DCC: variants seen among roughly 807,000 people sequenced by gnomAD.
The protein encoded by DCC is netrin receptor DCC.
In DCC, 58 loss-of-function variants were observed where a neutral mutation model predicts 172.5. That is an observed-to-expected ratio of 0.34 (90% CI 0.27 to 0.42). The LOEUF is 0.42. Ranked by LOEUF, DCC falls within the 10% of genes least tolerant of loss-of-function variation. The pLI, the probability that DCC is intolerant of heterozygous loss-of-function variation, is 1.00. For synonymous variants in DCC, 709 were observed against 644.5 expected (o/e 1.10, Z -1.52); for missense variants, 1,740 against 1,791.0 (o/e 0.97, Z 0.51).
In DCC at chr18:53,386,089, C is replaced by T. The variant is rs559067617; in HGVS notation, c.2406C>T (p.Ala802=). The T allele has an allele frequency of 9.9e-6, 16 of 1,613,404 alleles. No homozygotes were observed. The Admixed American group carries it at 1.2e-4, about 12-fold the overall frequency. Residue 802 remains alanine, a synonymous_variant, in exon 16 of 29, where the codon GCC becomes GCT. Transcript: ENST00000442544. The stretch of plus-strand genomic sequence containing the variant: ...TCTCCCTAAAAGCTTTTAACAATGC[C>T]GGAGAAGGAGTTCCTCTTTATGAAA... ...YVISLKAFNN[A]GEGVPLYESA...
chr18:53,204,188 G>GAAA (rs67046082), intron 9 of DCC, among the ~76,000 whole-genome samples: 1 of 150,294 alleles, frequency 6.7e-6, no homozygotes, highest in Non-Finnish European at 1.5e-5. Context: ...AGGGAAAAAA[G>GAAA]AAAAAAAAAC....
intron 5 of DCC, among the ~76,000 whole-genome samples, chr18:53,012,355 C>A (rs1038151790): frequency 1.3e-5 from 2 of 151,884 alleles, no homozygotes; most frequent in African/African-American, 4.8e-5. Flanking sequence ...GTAATTAATG[C>A]ACAAATTGAT....
intron 5 of DCC, among the ~76,000 whole-genome samples, chr18:52,969,087 C>G (rs1424166102): frequency 1.3e-5 from 2 of 152,086 alleles, no homozygotes; most frequent in African/African-American, 4.8e-5. Flanking sequence ...TATTCTTGTT[C>G]TCTAGGGCTC....
At chr18:53,185,840 T>C (rs2055273160) in intron 9 of DCC, among the ~76,000 whole-genome samples, 1 of 152,218 alleles carries the variant, frequency 6.6e-6, no homozygotes, top group Non-Finnish European at 1.5e-5. Context: ...TTCAGTTTTG[T>C]TCAAAACAAA....
chr18:53,530,715 T>G lies in DCC; in HGVS notation c.*62T>G. 3 of 869,898 alleles carry G rather than the reference T, an allele frequency of 3.4e-6. No individual in the cohort carries two copies. The highest frequency in any genetic ancestry group is 6.0e-6 in the Non-Finnish European group (3 of 500,254). The allele number at this position is 869,898 out of a possible 1,614,324, so 53.9% of individuals were successfully genotyped here. A position where few individuals can be genotyped will look rare whatever the true frequency, so the allele number is the denominator to read the frequency against. ...AACTTTGCAGCATACCAATTACCCATAAACAGCACACCTGTGTCCAAGAAC... is the reference window on the plus strand; with the variant it reads ...AACTTTGCAGCATACCAATTACCCAGAAACAGCACACCTGTGTCCAAGAAC... On this transcript the variant is annotated 3_prime_UTR_variant, in exon 29 of 29. Coordinates refer to ENST00000442544, the MANE Select transcript of DCC (RefSeq NM_005215.4).
At chr18:52,945,425 G>C (rs2040528638) in intron 5 of DCC, among the ~76,000 whole-genome samples, 1 of 152,194 alleles carries the variant, frequency 6.6e-6, no homozygotes, top group Non-Finnish European at 1.5e-5. Context: ...ATAGTCGTTA[G>C]AGGAAATAAA....
intron 1 of DCC, among the ~76,000 whole-genome samples, chr18:52,351,300 T>C (rs115469971): frequency 0.011 from 1,652 of 152,304 alleles, 31 homozygotes; most frequent in African/African-American, 0.037. Context: ...ATTCTCTCTC[T>C]CCAGTAGTAG....
chr18:53,006,839 G>A (rs1413683186), intron 5 of DCC, among the ~76,000 whole-genome samples: 1 of 152,158 alleles, frequency 6.6e-6, no homozygotes, highest in East Asian at 1.9e-4. Flanking sequence ...TAAATATGTG[G>A]CTGCTGATCC....
intron 7 of DCC, among the ~76,000 whole-genome samples, chr18:53,114,331 A>G (rs2043379373): frequency 6.6e-6 from 1 of 150,856 alleles, no homozygotes; most frequent in Non-Finnish European, 1.5e-5. Context: ...GTTTCTGTAT[A>G]AGATATTTAA....
chr18:53,513,410 G>A (rs999526380), intron 27 of DCC, among the ~76,000 whole-genome samples: 40 of 152,244 alleles, frequency 2.6e-4, no homozygotes, highest in African/African-American at 5.1e-4. Flanking sequence ...ATCAACTAAC[G>A]AGCAAAATCA....
chr18:52,365,508 T>A (rs2144281410), intron 1 of DCC, among the ~76,000 whole-genome samples: 1 of 148,628 alleles, frequency 6.7e-6, no homozygotes. Context: ...TTGGGAGTAC[T>A]AATGCCAATT....
intron 7 of DCC, among the ~76,000 whole-genome samples, chr18:53,116,966 G>T (rs1407109349): frequency 1.3e-5 from 2 of 151,572 alleles, no homozygotes; most frequent in African/African-American, 4.8e-5. Flanking sequence ...TTTTCAACCA[G>T]CCCATCAAGT....
intron 1 of DCC, among the ~76,000 whole-genome samples, chr18:52,593,381 C>G (rs1355215707): frequency 6.6e-6 from 1 of 152,156 alleles, no homozygotes; most frequent in Non-Finnish European, 1.5e-5. Context: ...ATCCAAAATA[C>G]ATATCATTCA....
chr18:53,069,080 T>C (rs2042616705), intron 7 of DCC, among the ~76,000 whole-genome samples: 1 of 152,064 alleles, frequency 6.6e-6, no homozygotes, highest in African/African-American at 2.4e-5. Context: ...GAAGTGGTTT[T>C]GAAGGGAAGT....
intron 1 of DCC, among the ~76,000 whole-genome samples, chr18:52,356,788 AT>A (rs35219447): frequency 0.46 from 68,143 of 148,700 alleles, 15,620 homozygotes; most frequent in African/African-American, 0.54. Context: ...AACCTAAATC[AT>A]TTTTTTTTTT....
At chr18:52,863,883 A>G (rs1245297410) in intron 2 of DCC, among the ~76,000 whole-genome samples, 1 of 152,092 alleles carries the variant, frequency 6.6e-6, no homozygotes, top group Admixed American at 6.6e-5. Context: ...AGAAACATAC[A>G]TATTTCATTG....
intron 27 of DCC, among the ~76,000 whole-genome samples, chr18:53,517,311 G>A (rs1238474752): frequency 6.6e-6 from 1 of 151,524 alleles, no homozygotes; most frequent in Non-Finnish European, 1.5e-5. Flanking sequence ...GGTGGGGGGA[G>A]GCGGGAGGAA....
At chr18:52,720,526 A>C (rs1410240530) in intron 1 of DCC, among the ~76,000 whole-genome samples, 3 of 152,136 alleles carry the variant, frequency 2.0e-5, no homozygotes, top group Non-Finnish European at 4.4e-5. Flanking sequence ...CTGGCACATG[A>C]TACCTCTGAA....
intron 15 of DCC, among the ~76,000 whole-genome samples, chr18:53,353,061 A>G (rs1365588748): frequency 6.6e-6 from 1 of 152,050 alleles, no homozygotes; most frequent in East Asian, 1.9e-4. Flanking sequence ...AGTGGAGAAA[A>G]TAATATGTGA....
Sources: gnomAD v4.1 joint callset for allele counts (sites outside exome capture counted in the v4.1 genomes callset) on GRCh38, gnomAD v4.1.1 for gene constraint, MANE v1.5 for transcripts, NCBI Gene and HGNC (gene_info 2026-07-23, HGNC 2026-07-21) for gene names.